Variants in CFAP61 observed in about 807,000 individuals in gnomAD.
The protein encoded by CFAP61 is cilia and flagella associated protein 61.
Under a neutral mutation model 135.6 loss-of-function variants are expected in CFAP61, and 107 were observed. The observed-to-expected ratio is 0.79, with a 90% CI of 0.67 to 0.93. The LOEUF (loss-of-function observed/expected upper bound fraction) is 0.93, where lower values mean the gene tolerates loss of function less well. CFAP61 is among the 40% of genes least tolerant of loss of function. The probability of loss-of-function intolerance (pLI) is 0.00; values close to 1 mark genes in which losing one functional copy is unlikely to be tolerated. For missense variants in CFAP61, 1,507 were observed against 1,556.2 expected, an observed-to-expected ratio of 0.97 and a Z score of 0.53; for synonymous variants, 575 against 578.5, an observed-to-expected ratio of 0.99 and a Z score of 0.09.
chr20:20,062,482 A>C (rs1041890610), intron 2 of CFAP61, among the ~76,000 whole-genome samples: 5 of 152,354 alleles, frequency 3.3e-5, no homozygotes, highest in Admixed American at 2.6e-4. Context: ...CAGTCGAATC[A>C]ACTCAAGGAA....
At chr20:20,196,112 G>A (rs1048678530) in intron 15 of CFAP61, among the ~76,000 whole-genome samples, 12 of 152,126 alleles carry the variant, frequency 7.9e-5, no homozygotes, top group Admixed American at 5.2e-4. Context: ...TGTGTAACTT[G>A]GGGGTGACAC....
intron 9 of CFAP61, among the ~76,000 whole-genome samples, chr20:20,158,241 T>TA (rs550360125): frequency 0.012 from 1,692 of 139,660 alleles, 20 homozygotes; most frequent in African/African-American, 0.036. Flanking sequence ...TAAAGTATAT[T>TA]AAAAAAAATA....
intron 13 of CFAP61, among the ~76,000 whole-genome samples, chr20:20,176,396 G>A (rs891335941): frequency 5.6e-5 from 5 of 89,256 alleles, no homozygotes; most frequent in South Asian, 7.6e-4. Flanking sequence ...TTACATGCAC[G>A]CATATGTTCA....
chr20:20,332,453 G>C (rs919254745), intron 25 of CFAP61, among the ~76,000 whole-genome samples: 1 of 152,250 alleles, frequency 6.6e-6, no homozygotes, highest in East Asian at 1.9e-4. Flanking sequence ...GTGAACAACT[G>C]GTTTAACTAT....
chr20:20,194,791 TAAG>T (rs2056170730), intron 15 of CFAP61, among the ~76,000 whole-genome samples: 1 of 152,188 alleles, frequency 6.6e-6, no homozygotes, highest in Non-Finnish European at 1.5e-5. Flanking sequence ...TGACCCAAGG[TAAG>T]AAGGTTTCAC....
At chr20:20,135,635 CAAAAAGAAAACT>C (rs1211201570) in intron 8 of CFAP61, among the ~76,000 whole-genome samples, 1 of 152,078 alleles carries the variant, frequency 6.6e-6, no homozygotes, top group Admixed American at 6.6e-5. Flanking sequence ...AACTAACAAG[CAAAAAGAAAACT>C]AAAAAACTAC....
At chr20:20,217,796 CCTT>C (rs2146929746) in intron 17 of CFAP61, among the ~76,000 whole-genome samples, 1 of 152,296 alleles carries the variant, frequency 6.6e-6, no homozygotes, top group Admixed American at 6.5e-5. Context: ...TGTCCCAACT[CCTT>C]CTCCTCCCTT....
At chr20:20,096,176 A>G (rs2047553735) in intron 7 of CFAP61, among the ~76,000 whole-genome samples, 1 of 152,202 alleles carries the variant, frequency 6.6e-6, no homozygotes, top group Middle Eastern at 3.2e-3. Flanking sequence ...CAGTGCATAC[A>G]CAAGAATACA....
At chr20:20,352,741 G>T (rs1458718280) in intron 26 of CFAP61, among the ~76,000 whole-genome samples, 1 of 152,176 alleles carries the variant, frequency 6.6e-6, no homozygotes, top group East Asian at 1.9e-4. Context: ...ACTTCTAGAA[G>T]AGAACATAGG....
chr20:20,257,176 G>A (rs2051679236), intron 20 of CFAP61, among the ~76,000 whole-genome samples: 1 of 152,172 alleles, frequency 6.6e-6, no homozygotes, highest in Non-Finnish European at 1.5e-5. Flanking sequence ...ACGAAAAGTG[G>A]TGATTCAGTA....
intron 12 of CFAP61, among the ~76,000 whole-genome samples, chr20:20,167,494 G>T (rs1322422571): frequency 6.6e-6 from 1 of 152,000 alleles, no homozygotes; most frequent in Non-Finnish European, 1.5e-5. Context: ...AAGTAATGCT[G>T]GCTTTAAAAA....
chr20:20,210,747 A>G (rs151333312), intron 17 of CFAP61, among the ~76,000 whole-genome samples: 3 of 152,366 alleles, frequency 2.0e-5, no homozygotes, highest in Admixed American at 6.5e-5. Flanking sequence ...CATATAGAAT[A>G]AAGTACAGTG....
Position 20,076,225 on chromosome 20 carries a change from C to G in CFAP61, c.566+610C>G, listed in dbSNP as rs141631046. 2.6e-5 allele frequency among the ~76,000 whole-genome samples: 4 copies of G among 152,286 alleles called. 1 individual carries two copies. The South Asian group carries it at 8.3e-4, about 32-fold the overall frequency. ...GTTGTGACTGCTTTGACCAGTAGAC[C>G]GTGGCCAAAGGGATGCTCTGGGACT... On this transcript the variant is annotated intron_variant, in intron 6 of 26. Transcript: ENST00000245957.
At position 20,225,421 on chromosome 20, in the gene CFAP61, CCTGCTCTTG is replaced by C. The variant is rs1219548419; in HGVS notation, c.1933-2827_1933-2819del. 2.6e-5 allele frequency: 4 copies of C among 152,166 alleles called. No individual in the cohort carries two copies. In the East Asian group the frequency reaches 7.7e-4, roughly 29 times the overall value. 9.4% of individuals were successfully genotyped at this position (152,166 alleles called of 1,614,324 possible). ...CACCCACCATCATTGGTACTGGTTG[CCTGCTCTTG>C]ACACCGGAGGCCACTTTGTGTACTT... On this transcript the variant is annotated intron_variant, in intron 17 of 26. Transcript: ENST00000245957.
intron 7 of CFAP61, among the ~76,000 whole-genome samples, chr20:20,098,231 A>G (rs1460072028): frequency 3.3e-5 from 5 of 152,196 alleles, no homozygotes; most frequent in Non-Finnish European, 1.5e-5. Flanking sequence ...TTAAATCTCA[A>G]GGTGACTGCC....
intron 20 of CFAP61, among the ~76,000 whole-genome samples, chr20:20,253,001 C>T (rs1232645018): frequency 6.6e-6 from 1 of 152,176 alleles, no homozygotes; most frequent in Non-Finnish European, 1.5e-5. Flanking sequence ...GAACCACAAG[C>T]TTGCACTTTC....
At chr20:20,172,324 T>TG (rs1295845165) in intron 13 of CFAP61, 1 of 534,886 alleles carries the variant, frequency 1.9e-6, no homozygotes, top group East Asian at 2.0e-4. Context: ...TTAATAAACT[T>TG]TTTTTTTTTT....
At chr20:20,119,954 C>T (rs900314427) in intron 8 of CFAP61, among the ~76,000 whole-genome samples, 2 of 152,136 alleles carry the variant, frequency 1.3e-5, no homozygotes, top group African/African-American at 2.4e-5. Context: ...CATGTTCCTG[C>T]AAAGGCTGCA....
chr20:20,161,824 G>C (rs2053426933), intron 10 of CFAP61, among the ~76,000 whole-genome samples: 1 of 152,208 alleles, frequency 6.6e-6, no homozygotes, highest in Non-Finnish European at 1.5e-5. Context: ...AGACAAGTAA[G>C]TGGAATTCTC....
Sources: gnomAD v4.1 joint callset for allele counts (sites outside exome capture counted in the v4.1 genomes callset) on GRCh38, gnomAD v4.1.1 for gene constraint, MANE v1.5 for transcripts, NCBI Gene and HGNC (gene_info 2026-07-23, HGNC 2026-07-21) for gene names.